The following YPEL2 variants were observed in gnomAD, a reference collection of about 807,000 sequenced individuals.
YPEL2 encodes the protein yippee like 2, also known as protein yippee-like 2.
YPEL2 carries 2 observed loss-of-function variants against 19.1 expected under a neutral mutation model. The ratio of observed to expected loss-of-function variants is 0.10; its 90% CI spans 0.04 to 0.33. The LOEUF is 0.33. YPEL2 is among the 10% of genes least tolerant of loss of function. The pLI is 1.00. For missense variants in YPEL2, 66 were observed against 140.7 expected, an observed-to-expected ratio of 0.47 and a Z score of 2.68; for synonymous variants, 52 against 50.0, an observed-to-expected ratio of 1.04 and a Z score of -0.17.
intron 2 of YPEL2, among the ~76,000 whole-genome samples, chr17:59,371,231 A>G (rs1334809751): frequency 6.6e-6 from 1 of 152,162 alleles, no homozygotes; most frequent in South Asian, 2.1e-4. Flanking sequence ...CAGACAGATA[A>G]GCTTCTAACA....
At position 59,366,707 on chromosome 17, in the gene YPEL2, A is replaced by G. The variant is rs191461961; in HGVS notation, c.117+13181A>G. On this transcript the variant is annotated intron_variant, in intron 2 of 4. Transcript: ENST00000312655. ...CTGGCCTTTCCCCTTCAGATGCCAA[A>G]TGTTCCAAACGACAGGTACAACTCT... Among the ~76,000 whole-genome samples the G allele has an allele frequency of 7.9e-5, 12 of 152,204 alleles. 1 individual carries two copies. Among genetic ancestry groups the G allele is most frequent in the Admixed American group, 3.3e-4 (5 of 15,302 alleles).
rs527988421 is a variant in YPEL2 at position 59,332,176 on chromosome 17, C to T, written c.-196+352C>T. On this transcript the variant is annotated intron_variant, in intron 1 of 4. Coordinates refer to ENST00000312655, the MANE Select transcript of YPEL2 (RefSeq NM_001005404.4). ...GGGTGCGGAGCTGGAATCGCCGCTT[C>T]CTCCTCCGCGTCGTCCCCATGGGTT... Among the ~76,000 whole-genome samples the T allele has an allele frequency of 1.2e-3, 177 of 152,114 alleles. 1 individual carries two copies. Among genetic ancestry groups the T allele is most frequent in the Admixed American group, 2.6e-3 (40 of 15,306 alleles).
chr17:59,369,653 C>T (rs2047887099), intron 2 of YPEL2, among the ~76,000 whole-genome samples: 1 of 152,210 alleles, frequency 6.6e-6, no homozygotes, highest in African/African-American at 2.4e-5. Flanking sequence ...TCTGATGTAA[C>T]CAGTACTAAT....
chr17:59,397,009 TGA>T, intron 4 of YPEL2, 90 bp from the exon 5 acceptor site: 1 of 888,944 alleles, frequency 1.1e-6, no homozygotes, highest in Non-Finnish European at 1.7e-6. Context: ...CCAGCCTGGG[TGA>T]CAGAGTGAGA....
At chr17:59,394,774 G>A (rs1231483770) in intron 4 of YPEL2, among the ~76,000 whole-genome samples, 4 of 152,190 alleles carry the variant, frequency 2.6e-5, no homozygotes, top group Admixed American at 2.0e-4. Context: ...CCGAGATCAC[G>A]CCACTGCACT....
At chr17:59,383,796 C>T (rs772131010) in intron 2 of YPEL2, among the ~76,000 whole-genome samples, 7 of 150,990 alleles carry the variant, frequency 4.6e-5, no homozygotes, top group South Asian at 4.2e-4. Flanking sequence ...TAGCAGCCAC[C>T]GATCTTCTTA....
chr17:59,340,001 G>A (rs565075697), intron 1 of YPEL2, among the ~76,000 whole-genome samples: 33 of 151,834 alleles, frequency 2.2e-4, no homozygotes, highest in African/African-American at 2.9e-4. Flanking sequence ...TTTGGGCTGC[G>A]TATGAGGGCT....
chr17:59,385,842 A>T (rs996816288), intron 2 of YPEL2, among the ~76,000 whole-genome samples: 2 of 152,234 alleles, frequency 1.3e-5, no homozygotes, highest in Non-Finnish European at 2.9e-5. Context: ...AACAAAAAAA[A>T]CTAGAGACAA....
At chr17:59,355,013 T>A (rs2047805806) in intron 2 of YPEL2, 1 of 152,100 alleles carries the variant, frequency 6.6e-6, no homozygotes, top group Non-Finnish European at 1.5e-5. Flanking sequence ...GAGAAATTAT[T>A]TGCCTGTATC....
chr17:59,391,200 C>A (rs1404496060), intron 4 of YPEL2, among the ~76,000 whole-genome samples: 1 of 152,160 alleles, frequency 6.6e-6, no homozygotes, highest in Non-Finnish European at 1.5e-5. Flanking sequence ...TGAACTGCCT[C>A]TGGCTTCTGA....
intron 1 of YPEL2, among the ~76,000 whole-genome samples, chr17:59,332,404 C>T (rs999501085): frequency 3.3e-5 from 5 of 152,204 alleles, no homozygotes; most frequent in African/African-American, 1.2e-4. Flanking sequence ...CGAGTTCCTC[C>T]CTGGCCGCGT....
At chr17:59,394,008 C>T (rs965959021) in intron 4 of YPEL2, among the ~76,000 whole-genome samples, 13 of 152,252 alleles carry the variant, frequency 8.5e-5, no homozygotes, top group Non-Finnish European at 1.5e-4. Context: ...CATCATGGCC[C>T]GTTCTCAATG....
At chr17:59,351,311 G>A (rs2047786354) in intron 1 of YPEL2, among the ~76,000 whole-genome samples, 1 of 152,098 alleles carries the variant, frequency 6.6e-6, no homozygotes, top group South Asian at 2.1e-4. Flanking sequence ...GGAGGCGGAG[G>A]TTGCCGTGAG....
At chr17:59,387,372 T>C (rs1407961942) in intron 2 of YPEL2, among the ~76,000 whole-genome samples, 1 of 151,994 alleles carries the variant, frequency 6.6e-6, no homozygotes. Context: ...ATCTGAGTCC[T>C]ATCTGGTGCT....
At chr17:59,396,936 C>T (rs2048042355) in intron 4 of YPEL2, among the ~76,000 whole-genome samples, 165 bp from the exon 5 acceptor site, 1 of 152,070 alleles carries the variant, frequency 6.6e-6, no homozygotes, top group African/African-American at 2.4e-5. Context: ...GAGGCTGAGG[C>T]AGGAGAATCG....
In YPEL2 at chr17:59,349,173, CAAAAA is replaced by C. The variant is rs57129006; in HGVS notation, c.-195-4021_-195-4017del. Among the ~76,000 whole-genome samples the C allele has an allele frequency of 3.8e-3, 219 of 57,522 alleles. 3 individuals are homozygous for C. The highest frequency in any genetic ancestry group is 0.011 in the African/African-American group (201 of 17,814). The allele number at this position is 57,522 out of a possible 152,430, so 37.7% of individuals were successfully genotyped here. A position where few individuals can be genotyped will look rare whatever the true frequency, so the allele number is the denominator to read the frequency against. ...TGGGTGACAGAGCGAGACTCCGTCT[CAAAAA>C]AAAAAAAAAAAAAAAAAAAATCAAT... On this transcript the variant is annotated intron_variant, in intron 1 of 4. Coordinates refer to ENST00000312655, the MANE Select transcript of YPEL2 (RefSeq NM_001005404.4).
intron 1 of YPEL2, among the ~76,000 whole-genome samples, chr17:59,332,394 C>T (rs901189326): frequency 1.3e-5 from 2 of 152,200 alleles, no homozygotes; most frequent in Non-Finnish European, 2.9e-5. Context: ...TAACCGCAGC[C>T]GAGTTCCTCC....
At chr17:59,332,550 C>A (rs1014205685) in intron 1 of YPEL2, among the ~76,000 whole-genome samples, 1 of 152,194 alleles carries the variant, frequency 6.6e-6, no homozygotes, top group Non-Finnish European at 1.5e-5. Context: ...ACTTCCAGTT[C>A]ACCCTGCTTG....
intron 2 of YPEL2, among the ~76,000 whole-genome samples, chr17:59,373,114 G>C (rs1178058477): frequency 6.6e-6 from 1 of 152,146 alleles, no homozygotes; most frequent in Non-Finnish European, 1.5e-5. Flanking sequence ...TGATCCACCT[G>C]CCTCAGCCTC....
Sources: allele counts gnomAD v4.1 joint callset (sites outside exome capture counted in the v4.1 genomes callset), GRCh38; gene constraint gnomAD v4.1.1; transcripts MANE v1.5; gene names NCBI Gene and HGNC (gene_info 2026-07-23, HGNC 2026-07-21).